RERE: variants seen among roughly 807,000 people sequenced by gnomAD.
RERE encodes the protein arginine-glutamic acid dipeptide repeats protein.
A neutral mutation model predicts 146.1 loss-of-function variants in RERE; 40 were observed. The ratio of observed to expected loss-of-function variants is 0.27; its 90% confidence interval spans 0.21 to 0.36. The LOEUF is 0.36. RERE is among the 10% of genes least tolerant of loss of function. RERE has a pLI of 1.00. For synonymous variants in RERE, 1,003 were observed against 866.0 expected, an observed-to-expected ratio of 1.16 and a Z score of -2.78; for missense variants, 1,933 against 2,138.7, an observed-to-expected ratio of 0.90 and a Z score of 1.90.
intron 3 of RERE, among the ~76,000 whole-genome samples, chr1:8,615,208 A>G (rs1178536542): frequency 6.6e-6 from 1 of 152,250 alleles, no homozygotes. Context: ...TTAACTGTAT[A>G]AAGCTGAAGG....
At chr1:8,372,678 T>G (rs1199689340) in intron 12 of RERE, among the ~76,000 whole-genome samples, 1 of 152,214 alleles carries the variant, frequency 6.6e-6, no homozygotes, top group East Asian at 1.9e-4. Flanking sequence ...CAAAGAATGA[T>G]GAGGACTGCT....
intron 12 of RERE, among the ~76,000 whole-genome samples, chr1:8,395,539 T>C (rs1643025923): frequency 6.6e-6 from 1 of 150,648 alleles, no homozygotes. Flanking sequence ...AAGGAACCTC[T>C]CCTGCTCAGC....
chr1:8,678,335 G>A (rs888063977), intron 1 of RERE, among the ~76,000 whole-genome samples: 4 of 151,844 alleles, frequency 2.6e-5, no homozygotes, highest in Middle Eastern at 3.2e-3. Flanking sequence ...GCGACTTTTG[G>A]GTCTTTTGTT....
In RERE at chr1:8,786,646, G is replaced by A. The variant is rs12075205; in HGVS notation, c.-145+30514C>T. The stretch of plus-strand genomic sequence containing the variant: ...TCAGACCTCTGGGCTCACACCATTG[G>A]CACCTCTGGTCCTGATGACAAAGGC... On this transcript the variant is annotated intron_variant, in intron 1 of 22. Transcript: ENST00000400908. 2,919 of 771,870 alleles carry A rather than the reference G, an allele frequency of 3.8e-3. 52 individuals are homozygous for A. The African/African-American group carries it at 0.04, about 11-fold the overall frequency. The allele number at this position is 771,870 out of a possible 1,614,324, so 47.8% of individuals were successfully genotyped here. A position where few individuals can be genotyped will look rare whatever the true frequency, so the allele number is the denominator to read the frequency against.
intron 1 of RERE, among the ~76,000 whole-genome samples, chr1:8,807,658 T>C (rs1641716067): frequency 6.6e-6 from 1 of 152,148 alleles, no homozygotes; most frequent in Admixed American, 6.5e-5. Flanking sequence ...TCAATGAAGA[T>C]TAAAAGTTAC....
intron 10 of RERE, among the ~76,000 whole-genome samples, chr1:8,477,040 C>T (rs562248089): frequency 1.4e-4 from 22 of 152,356 alleles, no homozygotes; most frequent in African/African-American, 5.3e-4. Context: ...GCTTCACTTA[C>T]ACTTTAGGGA....
intron 7 of RERE, among the ~76,000 whole-genome samples, chr1:8,518,758 A>G (rs928444894): frequency 1.3e-5 from 2 of 152,230 alleles, no homozygotes; most frequent in African/African-American, 2.4e-5. Context: ...ATTTCTTTTT[A>G]AAATCTAACA....
chr1:8,360,573 A>C lies in RERE; in HGVS notation c.2934T>G (p.His978Gln). The C allele has an allele frequency of 7.3e-7, 1 of 1,371,942 alleles. No homozygotes were observed. Among genetic ancestry groups the C allele is most frequent in the South Asian group, 1.4e-5 (1 of 69,858 alleles). 85.0% of individuals were successfully genotyped at this position (1,371,942 alleles called of 1,614,324 possible). A position where few individuals can be genotyped will look rare whatever the true frequency, so the allele number is the denominator to read the frequency against. Reference protein sequence around the residue: ...ALKPLSSLSTHHPPSAHPPPL... With the variant: ...ALKPLSSLSTQHPPSAHPPPL... ...GTGGGGGGTGAGCCGACGGGGGGTG[A>C]TGTGTGGACAGGGAGCTCAGGGGCT... The change falls in exon 18 of 23, where the codon CAT becomes CAG. Residue 978 changes from histidine (H) to glutamine (Q), a missense_variant. By Grantham distance (24) the His-to-Gln change is conservative. This residue lies in a region of RERE where 1,255 missense variants were observed against 1,153.8 expected (regional missense o/e 1.09). Coordinates refer to ENST00000400908, the MANE Select transcript of RERE (RefSeq NM_001042681.2).
At chr1:8,576,010 T>A (rs916858521) in intron 4 of RERE, among the ~76,000 whole-genome samples, 6 of 152,140 alleles carry the variant, frequency 3.9e-5, no homozygotes, top group Non-Finnish European at 8.8e-5. Context: ...TTAGATCCAT[T>A]CCCTACACAG....
intron 12 of RERE, among the ~76,000 whole-genome samples, chr1:8,377,554 C>CTT (rs1642298887): frequency 6.6e-6 from 1 of 151,940 alleles, no homozygotes; most frequent in African/African-American, 2.4e-5. Context: ...GCCACCTCAC[C>CTT]TTTCTTGATG....
rs554981377 is a variant in RERE, at chr1:8,789,393, T to C, written c.-145+27767A>G. Among the ~76,000 whole-genome samples the C allele has an allele frequency of 1.9e-4, 29 of 149,640 alleles. No homozygotes were observed. The South Asian group carries it at 6.1e-3, about 32-fold the overall frequency. On this transcript the variant is annotated intron_variant, in intron 1 of 22. Coordinates refer to ENST00000400908, the MANE Select transcript of RERE (RefSeq NM_001042681.2). ...GGCTTCTCAAAGCTTATCTGTCCTG[T>C]GGCTACTACCTCTCTTTCCTTCAGC...
At chr1:8,504,468 T>C (rs747592957) in intron 8 of RERE, among the ~76,000 whole-genome samples, 1 of 151,956 alleles carries the variant, frequency 6.6e-6, no homozygotes, top group Non-Finnish European at 1.5e-5. Flanking sequence ...AAGATAAGGG[T>C]GAAGTTTCAT....
At chr1:8,549,052 A>G (rs6697997) in intron 6 of RERE, among the ~76,000 whole-genome samples, 122,293 of 152,158 alleles carry the variant, frequency 0.8, 49,425 homozygotes, top group East Asian at 0.95. Flanking sequence ...ACAAGTCTGG[A>G]GTTAGGGGAA....
At chr1:8,531,086 T>C (rs529866802) in intron 7 of RERE, among the ~76,000 whole-genome samples, 13 of 151,656 alleles carry the variant, frequency 8.6e-5, no homozygotes, top group Non-Finnish European at 1.6e-4. Context: ...TCTATCTATC[T>C]GTCCATCTTT....
chr1:8,749,144 G>A (rs1236101475), intron 1 of RERE, among the ~76,000 whole-genome samples: 1 of 152,122 alleles, frequency 6.6e-6, no homozygotes, highest in Non-Finnish European at 1.5e-5. Flanking sequence ...AGCTGGAGGA[G>A]TTAAGTAACA....
rs979885905 is a variant in RERE, at chr1:8,354,372, G to C, written c.*715C>G. ...GGCCTCGGTCCAAGCCTCTGTCCAT[G>C]TGGAACGCCCCTTTGCTCCCTTTAA... On this transcript the variant is annotated 3_prime_UTR_variant, in exon 23 of 23. Coordinates refer to ENST00000400908, the MANE Select transcript of RERE (RefSeq NM_001042681.2). 1 of 152,636 alleles carries C rather than the reference G, an allele frequency of 6.6e-6. No individual in the cohort carries two copies. The highest frequency in any genetic ancestry group is 2.4e-5 in the African/African-American group (1 of 41,458). 9.5% of individuals were successfully genotyped at this position (152,636 alleles called of 1,614,324 possible). A position where few individuals can be genotyped will look rare whatever the true frequency, so the allele number is the denominator to read the frequency against.
intron 6 of RERE, 81 bp downstream of exon 6, chr1:8,556,394 A>C: frequency 1.2e-6 from 1 of 840,646 alleles, no homozygotes. Context: ...GTGACTACTA[A>C]AAGATCAGGA....
chr1:8,694,983 G>GGC (rs1639295166), intron 1 of RERE, among the ~76,000 whole-genome samples: 1 of 124,666 alleles, frequency 8.0e-6, no homozygotes, highest in South Asian at 3.0e-4. Flanking sequence ...AGGGGGGGGG[G>GGC]GGAATGCTGG....
intron 1 of RERE, among the ~76,000 whole-genome samples, chr1:8,661,272 C>T (rs1435504878): frequency 6.6e-6 from 1 of 151,946 alleles, no homozygotes; most frequent in Non-Finnish European, 1.5e-5. Flanking sequence ...CACAGGAGAC[C>T]AGAGGGGCAG....
Sources: gnomAD v4.1 joint callset for allele counts (sites outside exome capture counted in the v4.1 genomes callset) on GRCh38, gnomAD v4.1.1 for gene constraint, gnomAD v4.1.1 regional missense constraint, MANE v1.5 for transcripts, NCBI Gene and HGNC (gene_info 2026-07-23, HGNC 2026-07-21) for gene names.